The following MED24 variants were observed in gnomAD, a reference collection of about 807,000 sequenced individuals.
MED24 encodes the protein mediator of RNA polymerase II transcription subunit 24.
In MED24, 74 loss-of-function variants were observed where a neutral mutation model predicts 118.8. The observed-to-expected ratio is 0.62, with a 90% CI of 0.52 to 0.76. The LOEUF is 0.76. Ranked by LOEUF, MED24 falls within the 30% of genes least tolerant of loss-of-function variation. The probability of loss-of-function intolerance (pLI) is 0.00; values close to 1 mark genes in which losing one functional copy is unlikely to be tolerated. For missense variants in MED24, 1,041 were observed against 1,278.9 expected (o/e 0.81, Z 2.84); for synonymous variants, 521 against 523.9 (o/e 0.99, Z 0.08).
chr17:40,032,233 A>G (rs1169567725), intron 9 of MED24, 143 bp from the exon 10 acceptor site: 25 of 980,716 alleles, frequency 2.5e-5, no homozygotes, highest in Non-Finnish European at 3.7e-5. Context: ...ACTTAGTGCT[A>G]AATGAGAAAG....
chr17:40,029,877 T>A lies in MED24; in HGVS notation c.1155-18A>T, dbSNP rs1983160029. On this transcript the variant is annotated intron_variant, in intron 12 of 25. Coordinates refer to ENST00000394128, the MANE Select transcript of MED24 (RefSeq NM_014815.4). ...CCGCTTTGCTGTGGACATCACCAGT[T>A]GGCCAAGGAAGGGAAGAGGAATGAA... The A allele has an allele frequency of 6.2e-7, 1 of 1,611,222 alleles. No homozygotes were observed.
At chr17:40,028,101 G>C (rs1982921123) in intron 14 of MED24, 155 bp from the exon 15 acceptor site, 1 of 764,878 alleles carries the variant, frequency 1.3e-6, no homozygotes, top group African/African-American at 1.8e-5. Context: ...GGTTTTTGTG[G>C]TTTTTGTTTT....
chr17:40,021,720 G>GTGGGC (rs1171004038), intron 23 of MED24, among the ~76,000 whole-genome samples: 1 of 152,196 alleles, frequency 6.6e-6, no homozygotes, highest in Admixed American at 6.5e-5. Flanking sequence ...GGGAACAACT[G>GTGGGC]TGGGCTGGGC....
chr17:40,047,919 G>A (rs1226855501), intron 3 of MED24, among the ~76,000 whole-genome samples: 2 of 151,958 alleles, frequency 1.3e-5, no homozygotes, highest in Non-Finnish European at 2.9e-5. Flanking sequence ...TAGTAGAGAC[G>A]GGGTTTCACC....
At chr17:40,053,160 C>T in intron 3 of MED24, 138 bp downstream of exon 3, 1 of 813,830 alleles carries the variant, frequency 1.2e-6, no homozygotes, top group Non-Finnish European at 1.9e-6. Context: ...GTCTTGAACT[C>T]CTGGGCTCAA....
At chr17:40,047,130 A>G (rs969681413) in intron 3 of MED24, among the ~76,000 whole-genome samples, 1 of 152,166 alleles carries the variant, frequency 6.6e-6, no homozygotes, top group Non-Finnish European at 1.5e-5. Flanking sequence ...AAATAAATAA[A>G]AAGAATGTAC....
At chr17:40,035,903 G>C (rs1156590099) in intron 4 of MED24, 108 bp from the exon 5 acceptor site, 1 of 1,202,266 alleles carries the variant, frequency 8.3e-7, no homozygotes. Context: ...CTCCAACCCT[G>C]GGTTCCAGAC....
intron 10 of MED24, among the ~76,000 whole-genome samples, 158 bp downstream of exon 10, chr17:40,031,885 T>C (rs1338083623): frequency 6.6e-6 from 1 of 150,858 alleles, no homozygotes; most frequent in Non-Finnish European, 1.5e-5. Context: ...CACACGCACA[T>C]GCTGAAGCAT....
chr17:40,042,909 T>C (rs1400661556), intron 3 of MED24, among the ~76,000 whole-genome samples: 1 of 152,214 alleles, frequency 6.6e-6, no homozygotes, highest in East Asian at 1.9e-4. Flanking sequence ...AAGTCCAGTG[T>C]TGGCAGAAAT....
At chr17:40,038,693 G>C (rs1984225996) in intron 3 of MED24, among the ~76,000 whole-genome samples, 1 of 145,530 alleles carries the variant, frequency 6.9e-6, no homozygotes, top group East Asian at 2.0e-4. Flanking sequence ...CCTGATGACA[G>C]AGCAAGACTC....
intron 3 of MED24, among the ~76,000 whole-genome samples, chr17:40,043,069 G>A (rs765091108): frequency 6.6e-6 from 1 of 152,192 alleles, no homozygotes; most frequent in Non-Finnish European, 1.5e-5. Flanking sequence ...TGCTGCCTCA[G>A]CCTCCCGAGT....
chr17:40,023,037 G>A (rs4794824), intron 20 of MED24, 94 bp downstream of exon 20: 568,801 of 1,504,848 alleles, frequency 0.38, 108,569 homozygotes, highest in East Asian at 0.44. Flanking sequence ...CCTGGCTCAC[G>A]GCAGCCTCTC....
At chr17:40,045,083 A>G (rs1016944352) in intron 3 of MED24, among the ~76,000 whole-genome samples, 11 of 152,224 alleles carry the variant, frequency 7.2e-5, no homozygotes, top group African/African-American at 2.7e-4. Flanking sequence ...ATATGCAGAC[A>G]GGTAGGTATA....
rs778699289 is a variant in MED24 at position 40,022,014 on chromosome 17, G to A, written c.2564C>T (p.Ser855Leu). The change falls in exon 23 of 26, where the codon TCG becomes TTG. Residue 855 changes from serine (S) to leucine (L), a missense_variant. Ser to Leu is a moderately radical substitution (Grantham distance 145). Transcript: ENST00000394128. The part of the protein sequence containing the change: ...SLFPLDDVQP[S>L]KLMRLLSSNE... Reference sequence around the variant, plus strand: ...AGAGCTCAGCAGTCGCATCAACTTCGAAGGCTGCACATCGTCCAGGGGGAA... The same window carrying A: ...AGAGCTCAGCAGTCGCATCAACTTCAAAGGCTGCACATCGTCCAGGGGGAA... 61 of 1,611,862 alleles carry A rather than the reference G, an allele frequency of 3.8e-5. No individual in the cohort carries two copies. The highest frequency in any genetic ancestry group is 1.1e-4 in the South Asian group (10 of 90,758).
chr17:40,039,726 C>G (rs973157195), intron 3 of MED24, among the ~76,000 whole-genome samples: 1 of 151,866 alleles, frequency 6.6e-6, no homozygotes, highest in African/African-American at 2.4e-5. Context: ...TCAAGCAATC[C>G]TCCCACCTCA....
chr17:40,031,190 CAGA>C lies in MED24; in HGVS notation c.1120_1122del (p.Ser374del). ...GCCATAAGGTTGTTGACGCTGGCCT[CAGA>C]CAGAAGCCCCTGCTTGCCACATTCT... On this transcript the variant is annotated inframe_deletion, in exon 12 of 26. Coordinates refer to ENST00000394128, the MANE Select transcript of MED24 (RefSeq NM_014815.4). The C allele has an allele frequency of 1.3e-6, 2 of 1,572,744 alleles. No individual in the cohort carries two copies. The highest frequency in any genetic ancestry group is 1.7e-6 in the Non-Finnish European group (2 of 1,157,956).
At position 40,022,785 on chromosome 17, in the gene MED24, T is replaced by C. The variant is rs772842204; in HGVS notation, c.2292A>G (p.Ala764=). The C allele has an allele frequency of 1.9e-6, 3 of 1,613,770 alleles. No individual in the cohort carries two copies. Among genetic ancestry groups the C allele is most frequent in the Admixed American group, 1.7e-5 (1 of 60,002 alleles). ...KETRKEHTLR[A]VELLYSIFCL... ...AGAAGATGGAGTAGAGCAGCTCCAC[T>C]GCCCGCAGCGTGTGCTCCTTCCGCG... Residue 764 remains alanine, a synonymous_variant, in exon 21 of 26, where the codon GCA becomes GCG. Coordinates refer to ENST00000394128, the MANE Select transcript of MED24 (RefSeq NM_014815.4).
intron 3 of MED24, among the ~76,000 whole-genome samples, chr17:40,039,618 G>A (rs1173908739): frequency 6.6e-6 from 1 of 151,990 alleles, no homozygotes; most frequent in Non-Finnish European, 1.5e-5. Context: ...TTTCCCATCA[G>A]TGTTTATACA....
intron 3 of MED24, among the ~76,000 whole-genome samples, chr17:40,038,362 C>T (rs201166480): frequency 3.2e-4 from 48 of 152,226 alleles, no homozygotes; most frequent in African/African-American, 1.2e-3. Context: ...CATCATAAGA[C>T]TGGATATCTA....
Sources: allele counts gnomAD v4.1 joint callset (sites outside exome capture counted in the v4.1 genomes callset), GRCh38; gene constraint gnomAD v4.1.1; transcripts MANE v1.5; gene names NCBI Gene and HGNC (gene_info 2026-07-23, HGNC 2026-07-21).